The following CCT4 variants were observed in gnomAD, a reference collection of about 807,000 sequenced individuals.
The protein encoded by CCT4 is T-complex protein 1 subunit delta.
A neutral mutation model predicts 62.5 loss-of-function variants in CCT4; 17 were observed. The ratio of observed to expected loss-of-function variants is 0.27; its 90% CI spans 0.19 to 0.41. The LOEUF (loss-of-function observed/expected upper bound fraction) is 0.41. Ranked by LOEUF, CCT4 falls within the 10% of genes least tolerant of loss-of-function variation. The pLI, the probability that CCT4 is intolerant of heterozygous loss-of-function variation, is 1.00. For synonymous variants in CCT4, 250 were observed against 229.9 expected, an observed-to-expected ratio of 1.09 and a Z score of -0.79; for missense variants, 592 against 659.2, an observed-to-expected ratio of 0.90 and a Z score of 1.12.
chr2:61,883,953 A>G (rs1427538053), intron 2 of CCT4, among the ~76,000 whole-genome samples: 1 of 152,220 alleles, frequency 6.6e-6, no homozygotes, highest in African/African-American at 2.4e-5. Flanking sequence ...CAACACAGTA[A>G]CTTTTTTCCT....
intron 1 of CCT4, among the ~76,000 whole-genome samples, chr2:61,887,120 C>G (rs936828332): frequency 2.6e-5 from 4 of 152,148 alleles, no homozygotes; most frequent in African/African-American, 9.7e-5. Context: ...ACTATGGTCC[C>G]TAGACAATTA....
At chr2:61,871,322 G>A (rs1668879981) in intron 12 of CCT4, among the ~76,000 whole-genome samples, 1 of 152,096 alleles carries the variant, frequency 6.6e-6, no homozygotes, top group South Asian at 2.1e-4. Flanking sequence ...ACAGGCGTGA[G>A]CCACCACGTC....
Position 61,876,085 on chromosome 2 carries a change from A to T in CCT4, c.917+10T>A. The stretch of plus-strand genomic sequence containing the variant: ...TCATTAAGGGATGAACAAAATAAAT[A>T]GCCCCACACCTTAGAATAGATTTCT... On this transcript the variant is annotated intron_variant, in intron 8 of 13. Coordinates refer to ENST00000394440, the MANE Select transcript of CCT4 (RefSeq NM_006430.4). 6.4e-7 allele frequency: 1 copy of T among 1,558,946 alleles called. No homozygotes were observed. The highest frequency in any genetic ancestry group is 1.4e-5 in the African/African-American group (1 of 73,116).
intron 1 of CCT4, among the ~76,000 whole-genome samples, chr2:61,886,711 T>C (rs1331508136): frequency 1.3e-5 from 2 of 152,192 alleles, no homozygotes; most frequent in African/African-American, 2.4e-5. Context: ...TTCCCACTTA[T>C]TTTGTTTGTT....
intron 8 of CCT4, among the ~76,000 whole-genome samples, chr2:61,875,026 C>G (rs1173574207): frequency 6.6e-6 from 1 of 151,910 alleles, no homozygotes; most frequent in Non-Finnish European, 1.5e-5. Flanking sequence ...CCTGTAATCC[C>G]AACTACTCGG....
chr2:61,888,565 C>A lies in CCT4; in HGVS notation c.-58G>T, dbSNP rs1669319307. 6.3e-7 allele frequency: 1 copy of A among 1,578,492 alleles called. No homozygotes were observed. Among genetic ancestry groups the A allele is most frequent in the South Asian group, 1.1e-5 (1 of 88,008 alleles). Reference sequence around the variant, plus strand: ...AAGGACGGATGGACCCGGATTCTGGCCGGCCGCAGTGTAATAACGGTAAGC... The same window carrying A: ...AAGGACGGATGGACCCGGATTCTGGACGGCCGCAGTGTAATAACGGTAAGC... On this transcript the variant is annotated 5_prime_UTR_variant, in exon 1 of 14. Coordinates refer to ENST00000394440, the MANE Select transcript of CCT4 (RefSeq NM_006430.4).
intron 3 of CCT4, among the ~76,000 whole-genome samples, chr2:61,882,655 C>T (rs796875162): frequency 8.5e-5 from 13 of 152,068 alleles, no homozygotes; most frequent in East Asian, 7.7e-4. Flanking sequence ...ACCACAGGTG[C>T]GCACCACACA....
At chr2:61,878,444 T>C (rs571882422) in intron 5 of CCT4, among the ~76,000 whole-genome samples, 1 of 152,282 alleles carries the variant, frequency 6.6e-6, no homozygotes, top group Admixed American at 6.5e-5. Flanking sequence ...ATCTATAAAA[T>C]GGGGATATGA....
In CCT4 at chr2:61,888,515, T is replaced by G. The variant is rs748341543; in HGVS notation, c.-8A>C. 8 of 1,610,336 alleles carry G rather than the reference T, an allele frequency of 5.0e-6. No homozygotes were observed. Among genetic ancestry groups the G allele is most frequent in the Non-Finnish European group, 6.8e-6 (8 of 1,178,742 alleles). ...TGCCACATTCTCGGGCATGGCAAAC[T>G]CCGCTGTGTCTGGGTTGGCTCGGGA... is the stretch of plus-strand genomic sequence containing the variant. On this transcript the variant is annotated 5_prime_UTR_variant, in exon 1 of 14. Transcript: ENST00000394440.
intron 8 of CCT4, among the ~76,000 whole-genome samples, chr2:61,874,048 A>G (rs1368320692): frequency 6.6e-6 from 1 of 152,140 alleles, no homozygotes; most frequent in Non-Finnish European, 1.5e-5. Flanking sequence ...AACCTTATTA[A>G]TACTTCATGA....
chr2:61,883,597 T>C (rs772470048), intron 2 of CCT4, 49 bp from the exon 3 acceptor site: 1 of 870,200 alleles, frequency 1.1e-6, no homozygotes, highest in South Asian at 1.5e-5. Flanking sequence ...CCTTAATAGT[T>C]TTATTAAACT....
At chr2:61,881,492 T>G (rs766726490) in intron 3 of CCT4, among the ~76,000 whole-genome samples, 35 of 152,254 alleles carry the variant, frequency 2.3e-4, no homozygotes, top group South Asian at 1.9e-3. Context: ...GTTTTTAATC[T>G]CCTTATTCCT....
intron 8 of CCT4, among the ~76,000 whole-genome samples, chr2:61,875,326 C>T (rs1293396654): frequency 1.3e-5 from 2 of 151,890 alleles, no homozygotes; most frequent in African/African-American, 2.4e-5. Flanking sequence ...TGCCTGTAAT[C>T]CCAGCACTTT....
intron 1 of CCT4, 68 bp from the exon 2 acceptor site, chr2:61,885,140 C>CTA: frequency 7.9e-7 from 1 of 1,263,680 alleles, no homozygotes. Context: ...CAGGGTCTTA[C>CTA]TATATTGTCC....
Position 61,868,509 on chromosome 2 carries a change from T to C in CCT4, c.*183A>G, listed in dbSNP as rs572055125. 6 of 515,798 alleles carry C rather than the reference T, an allele frequency of 1.2e-5. No individual in the cohort carries two copies. Among genetic ancestry groups the C allele is most frequent in the Admixed American group, 6.5e-5 (2 of 30,720 alleles). 32.0% of individuals were successfully genotyped at this position (515,798 alleles called of 1,614,324 possible). On this transcript the variant is annotated 3_prime_UTR_variant, in exon 14 of 14. Transcript: ENST00000394440. Reference sequence around the variant, plus strand: ...TGTTGGGAGAAGATAAATCTGCCTTTTGAAACCAAATATTTAATATTTTCA... The same window carrying C: ...TGTTGGGAGAAGATAAATCTGCCTTCTGAAACCAAATATTTAATATTTTCA...
intron 7 of CCT4, among the ~76,000 whole-genome samples, chr2:61,876,703 C>CCT (rs1669008881): frequency 6.6e-6 from 1 of 152,170 alleles, no homozygotes; most frequent in African/African-American, 2.4e-5. Context: ...GGACTACAGG[C>CCT]ATCGTTGCAA....
At chr2:61,886,513 G>A (rs1405581276) in intron 1 of CCT4, among the ~76,000 whole-genome samples, 4 of 152,122 alleles carry the variant, frequency 2.6e-5, no homozygotes, top group Non-Finnish European at 5.9e-5. Context: ...CTCTGGGGCC[G>A]GGTGCGGTGG....
chr2:61,880,422 T>A (rs1402318433), intron 3 of CCT4, 28 bp from the exon 4 acceptor site: 1 of 1,313,390 alleles, frequency 7.6e-7, no homozygotes. Flanking sequence ...GCCAAGTTGC[T>A]CAATGAGAAA....
chr2:61,869,490 G>C lies in CCT4; in HGVS notation c.1555C>G (p.Leu519Val). 1 of 1,612,824 alleles carries C rather than the reference G, an allele frequency of 6.2e-7. No homozygotes were observed. The highest frequency in any genetic ancestry group is 1.1e-5 in the South Asian group (1 of 91,052). ...CGAACAGTTTCAGTTGCAAGAGTCA[G>C]AGCACTGACTGATACCAACAGAGGC... ...VQPLLVSVSA[L>V]TLATETVRSI... Residue 519 changes from leucine (L) to valine (V), a missense_variant, in exon 13 of 14, where the codon CTG (leucine) becomes GTG (valine). This residue lies in a region of CCT4 where 522 missense variants were observed against 571.2 expected (regional missense o/e 0.91). Coordinates refer to ENST00000394440, the MANE Select transcript of CCT4 (RefSeq NM_006430.4).
Sources: gnomAD v4.1 joint callset for allele counts (sites outside exome capture counted in the v4.1 genomes callset) on GRCh38, gnomAD v4.1.1 for gene constraint, gnomAD v4.1.1 regional missense constraint, MANE v1.5 for transcripts, NCBI Gene and HGNC (gene_info 2026-07-23, HGNC 2026-07-21) for gene names.